COL11A2: variants seen among roughly 807,000 people sequenced by gnomAD.
The protein encoded by COL11A2 is collagen alpha-2(XI) chain.
COL11A2 carries 116 observed loss-of-function variants against 273.4 expected under a neutral mutation model. That is an observed-to-expected ratio of 0.42 (90% CI 0.36 to 0.49). The LOEUF (loss-of-function observed/expected upper bound fraction) is 0.49, where lower values mean the gene tolerates loss of function less well. Among genes scored for constraint, COL11A2 ranks in the 20% least tolerant of loss-of-function variants. The probability of loss-of-function intolerance (pLI) is 0.00; values close to 1 mark genes in which losing one functional copy is unlikely to be tolerated. For missense variants in COL11A2, 1,866 were observed against 2,309.0 expected (o/e 0.81, Z 3.93); for synonymous variants, 782 against 864.2 (o/e 0.90, Z 1.67).
rs1768589189 is a variant in COL11A2 at position 33,163,215 on chromosome 6, G to A, written c.*463C>T. The A allele has an allele frequency of 1.0e-5, 2 of 201,000 alleles. No individual in the cohort carries two copies. The highest frequency in any genetic ancestry group is 5.3e-5 in the Admixed American group (1 of 18,844). The allele number at this position is 201,000 out of a possible 1,614,324, so 12.5% of individuals were successfully genotyped here. A position where few individuals can be genotyped will look rare whatever the true frequency, so the allele number is the denominator to read the frequency against. Reference sequence around the variant, plus strand: ...AAACCCCCCTACACACAGTCACTGAGGAAAGTCCTGACTCCAGGATGTGGG... The same window carrying A: ...AAACCCCCCTACACACAGTCACTGAAGAAAGTCCTGACTCCAGGATGTGGG... On this transcript the variant is annotated 3_prime_UTR_variant, in exon 66 of 66. Coordinates refer to ENST00000341947, the MANE Select transcript of COL11A2 (RefSeq NM_080680.3). The surrounding 1 kb of genome is among the most constrained non-coding windows in gnomAD (Gnocchi z 4.1).
In COL11A2 at chr6:33,190,255, A is replaced by C. The variant is rs1772957700; in HGVS notation, c.83-786T>G. 6.6e-6 allele frequency among the ~76,000 whole-genome samples: 1 copy of C among 152,106 alleles called. No individual in the cohort carries two copies. The highest frequency in any genetic ancestry group is 1.5e-5 in the Non-Finnish European group (1 of 67,994). ...TGCCACGAGGAGCCGGAACAGGTCCAGGGCCCTGAGCCACACATCTGTGGA... is the reference window on the plus strand; with the variant it reads ...TGCCACGAGGAGCCGGAACAGGTCCCGGGCCCTGAGCCACACATCTGTGGA... On this transcript the variant is annotated intron_variant, in intron 1 of 65. Transcript: ENST00000341947. The surrounding 1 kb of genome is among the most constrained non-coding windows in gnomAD (Gnocchi z 4.5).
In COL11A2 at chr6:33,180,127, C is replaced by G. The variant is rs948595770; in HGVS notation, c.1359+131G>C. Reference sequence around the variant, plus strand: ...TCTCCCCAACCCCAAAGACGAATCCCTTTGGAGTGATGATCTTTGATGATC... The same window carrying G: ...TCTCCCCAACCCCAAAGACGAATCCGTTTGGAGTGATGATCTTTGATGATC... On this transcript the variant is annotated intron_variant, in intron 12 of 65. Coordinates refer to ENST00000341947, the MANE Select transcript of COL11A2 (RefSeq NM_080680.3). 12 of 1,035,972 alleles carry G rather than the reference C, an allele frequency of 1.2e-5. No homozygotes were observed. In the African/African-American group the frequency reaches 1.6e-4, roughly 14 times the overall value. 64.2% of individuals were successfully genotyped at this position (1,035,972 alleles called of 1,614,324 possible). A position where few individuals can be genotyped will look rare whatever the true frequency, so the allele number is the denominator to read the frequency against.
chr6:33,166,640 G>A lies in COL11A2; in HGVS notation c.4339-74C>T. 6.2e-7 allele frequency: 1 copy of A among 1,610,848 alleles called. No individual in the cohort carries two copies. The highest frequency in any genetic ancestry group is 8.5e-7 in the Non-Finnish European group (1 of 1,177,626). On this transcript the variant is annotated intron_variant, in intron 59 of 65. Coordinates refer to ENST00000341947, the MANE Select transcript of COL11A2 (RefSeq NM_080680.3). The surrounding 1 kb of genome is among the most constrained non-coding windows in gnomAD (Gnocchi z 4.8). ...CTGAGCACCTGCTCGCTTACCCACA[G>A]CTGAGTCCCAACTCCAACTCCACCC...
intron 40 of COL11A2, 26 bp downstream of exon 40, chr6:33,172,263 G>C: frequency 6.3e-7 from 1 of 1,584,066 alleles, no homozygotes; most frequent in Non-Finnish European, 8.6e-7. Context: ...GCTTGTGACA[G>C]GCAGGGGTCT....
Position 33,178,770 on chromosome 6 carries a change from C to T in COL11A2, c.1666-38G>A. 1 of 1,612,018 alleles carries T rather than the reference C, an allele frequency of 6.2e-7. No homozygotes were observed. Among genetic ancestry groups the T allele is most frequent in the Non-Finnish European group, 8.5e-7 (1 of 1,179,212 alleles). On this transcript the variant is annotated intron_variant, in intron 17 of 65. Transcript: ENST00000341947. The surrounding 1 kb of genome is among the most constrained non-coding windows in gnomAD (Gnocchi z 4.6). Reference sequence around the variant, plus strand: ...AGGATAGCCAGAGTGAGGACACGACCCTGTCCAAGCCCACCCCTCCCTACT... The same window carrying T: ...AGGATAGCCAGAGTGAGGACACGACTCTGTCCAAGCCCACCCCTCCCTACT...
In COL11A2 at chr6:33,178,482, T is replaced by C. The variant is rs779116250; in HGVS notation, c.1726A>G (p.Thr576Ala). 6.1e-5 allele frequency: 98 copies of C among 1,612,658 alleles called. No individual in the cohort carries two copies. Among genetic ancestry groups the C allele is most frequent in the Non-Finnish European group, 8.0e-5 (94 of 1,179,934 alleles). ...LPGEKGHRGD[T>A]GAQGLPGPPG... ...GGACCAGGAAGGCCCTGGGCACCAG[T>C]ATCACCCTGCAAAATGGGGGAACTC... is the stretch of plus-strand genomic sequence containing the variant. Residue 576 changes from threonine to alanine, a missense_variant, in exon 19 of 66, where the codon ACT (threonine) becomes GCT (alanine). Thr to Ala is a moderately conservative substitution (Grantham distance 58, BLOSUM62 0). Transcript: ENST00000341947. This position sits in a 1 kb window ranked among gnomAD's most constrained non-coding sequence, Gnocchi z 4.6.
intron 10 of COL11A2, 108 bp downstream of exon 10, chr6:33,180,856 C>T (rs1771638431): frequency 6.4e-7 from 1 of 1,551,814 alleles, no homozygotes; most frequent in Non-Finnish European, 8.9e-7. Flanking sequence ...TGGAGGGATG[C>T]TCCCGAGTTC....
chr6:33,171,194 A>T (rs1216032928), intron 44 of COL11A2, 27 bp from the exon 45 acceptor site: 1 of 1,612,818 alleles, frequency 6.2e-7, no homozygotes, highest in African/African-American at 1.3e-5. Flanking sequence ...AGTCAGAGAC[A>T]CCAAAACAGG....
Position 33,164,159 on chromosome 6 carries a change from CG to C in COL11A2, c.5070+107del. 7.8e-7 allele frequency: 1 copy of C among 1,282,844 alleles called. No individual in the cohort carries two copies. The highest frequency in any genetic ancestry group is 1.1e-6 in the Non-Finnish European group (1 of 923,608). 79.5% of individuals were successfully genotyped at this position (1,282,844 alleles called of 1,614,324 possible). A position where few individuals can be genotyped will look rare whatever the true frequency, so the allele number is the denominator to read the frequency against. ...AGGCATCCCTGACAATCCAGCAGGA[CG>C]GACTCCTCCCTGCTCCCCCTGGGTG... On this transcript the variant is annotated intron_variant, in intron 65 of 65. Transcript: ENST00000341947. This position sits in a 1 kb window ranked among gnomAD's most constrained non-coding sequence, Gnocchi z 4.7.
Position 33,174,166 on chromosome 6 carries a change from C to T in COL11A2, c.2483G>A (p.Arg828Gln), listed in dbSNP as rs765292733. 2.5e-6 allele frequency: 4 copies of T among 1,587,518 alleles called. No individual in the cohort carries two copies. Among genetic ancestry groups the T allele is most frequent in the Admixed American group, 3.5e-5 (2 of 57,366 alleles). Residue 828 changes from arginine to glutamine, a missense_variant and splice_region_variant, in exon 32 of 66, where the codon CGG (arginine) becomes CAG (glutamine). Arg to Gln is a conservative substitution (Grantham distance 43). Coordinates refer to ENST00000341947, the MANE Select transcript of COL11A2 (RefSeq NM_080680.3). ...FPGASGEKGA[R>Q]GLSGKSGPRG... ...ACGCCCTCCCACCCCCCAGCTTACC[C>T]GGGCTCCCTTCTCTCCACTGGCACC... is the stretch of plus-strand genomic sequence containing the variant.
chr6:33,183,596 G>C (rs1771990532), intron 8 of COL11A2, among the ~76,000 whole-genome samples: 1 of 152,152 alleles, frequency 6.6e-6, no homozygotes, highest in South Asian at 2.1e-4. Flanking sequence ...TGAAAAACTA[G>C]AGCCAGAACA....
rs913923664 is a variant in COL11A2, at chr6:33,166,037, A to T, written c.4429-53T>A. 14 of 1,612,122 alleles carry T rather than the reference A, an allele frequency of 8.7e-6. No homozygotes were observed. In the African/African-American group the frequency reaches 1.9e-4, roughly 22 times the overall value. On this transcript the variant is annotated intron_variant, in intron 61 of 65. Coordinates refer to ENST00000341947, the MANE Select transcript of COL11A2 (RefSeq NM_080680.3). The surrounding 1 kb of genome is among the most constrained non-coding windows in gnomAD (Gnocchi z 4.8). Reference sequence around the variant, plus strand: ...GGGGTCAAGAGGTCAAGCATGGATCAAGGTCACAGAAAGATCAAATCAGCC... The same window carrying T: ...GGGGTCAAGAGGTCAAGCATGGATCTAGGTCACAGAAAGATCAAATCAGCC...
rs771885001 is a variant in COL11A2, at chr6:33,170,543, G to A, written c.3528+14C>T. 6.8e-6 allele frequency: 11 copies of A among 1,611,820 alleles called. No individual in the cohort carries two copies. The highest frequency in any genetic ancestry group is 9.3e-6 in the Non-Finnish European group (11 of 1,179,566). On this transcript the variant is annotated intron_variant, in intron 47 of 65. Transcript: ENST00000341947. The surrounding 1 kb of genome is among the most constrained non-coding windows in gnomAD (Gnocchi z 4.3). ...ACTAGTATGGTGGCTAGGGTCAGTA[G>A]GGGTCACACTCACCATAGGACCCAC... is the stretch of plus-strand genomic sequence containing the variant.
At position 33,165,607 on chromosome 6, in the gene COL11A2, C is replaced by T. The variant is rs2150516614; in HGVS notation, c.4692G>A (p.Gln1564=). ...IEQMRRPTGT[Q]DSPARTCQDL... is the part of the protein sequence containing the mutation. ...CCTGGCAGGTGCGAGCAGGGCTGTC[C>T]TGGGTCCCTGTTGGCCGCCTCATCT... Residue 1564 remains glutamine (Q), a synonymous_variant, in exon 63 of 66, where the codon CAG becomes CAA. Coordinates refer to ENST00000341947, the MANE Select transcript of COL11A2 (RefSeq NM_080680.3). This position sits in a 1 kb window ranked among gnomAD's most constrained non-coding sequence, Gnocchi z 7.7. 2 of 1,613,444 alleles carry T rather than the reference C, an allele frequency of 1.2e-6. No homozygotes were observed. The highest frequency in any genetic ancestry group is 1.7e-6 in the Non-Finnish European group (2 of 1,179,988).
intron 11 of COL11A2, 31 bp from the exon 12 acceptor site, chr6:33,180,363 G>T: frequency 6.3e-7 from 1 of 1,576,928 alleles, no homozygotes; most frequent in Non-Finnish European, 8.7e-7. Context: ...AAAAGATGGG[G>T]TGAAAGATAA....
chr6:33,163,199 T>G lies in COL11A2; in HGVS notation c.*479A>C, dbSNP rs1411718267. The G allele has an allele frequency of 1.0e-5, 2 of 197,968 alleles. No homozygotes were observed. Among genetic ancestry groups the G allele is most frequent in the Non-Finnish European group, 2.1e-5 (2 of 95,408 alleles). The allele number at this position is 197,968 out of a possible 1,614,324, so 12.3% of individuals were successfully genotyped here. A position where few individuals can be genotyped will look rare whatever the true frequency, so the allele number is the denominator to read the frequency against. On this transcript the variant is annotated 3_prime_UTR_variant, in exon 66 of 66. Transcript: ENST00000341947. The surrounding 1 kb of genome is among the most constrained non-coding windows in gnomAD (Gnocchi z 4.1). The stretch of plus-strand genomic sequence containing the variant: ...GTGGGGTTCAGCCCTGAAACCCCCC[T>G]ACACACAGTCACTGAGGAAAGTCCT...
In COL11A2 at chr6:33,178,504, A is replaced by AC. The variant is rs1242435359; in HGVS notation, c.1720-17dup. 2 of 1,612,692 alleles carry AC rather than the reference A, an allele frequency of 1.2e-6. No individual in the cohort carries two copies. Among genetic ancestry groups the AC allele is most frequent in the Non-Finnish European group, 1.7e-6 (2 of 1,179,912 alleles). On this transcript the variant is annotated splice_polypyrimidine_tract_variant and intron_variant, in intron 18 of 65. Transcript: ENST00000341947. This position sits in a 1 kb window ranked among gnomAD's most constrained non-coding sequence, Gnocchi z 4.6. ...CAGTATCACCCTGCAAAATGGGGGA[A>AC]CTCATAAGAGGGGCTTCAGAGCCCC...
intron 41 of COL11A2, 21 bp from the exon 42 acceptor site, chr6:33,171,841 A>AC: frequency 6.2e-7 from 1 of 1,611,390 alleles, no homozygotes; most frequent in South Asian, 1.1e-5. Flanking sequence ...AGATGGTCAG[A>AC]CCCCCAGGAA....
In COL11A2 at chr6:33,169,693, A is replaced by G; in HGVS notation, c.3690+138T>C. 8.4e-7 allele frequency: 1 copy of G among 1,188,542 alleles called. No individual in the cohort carries two copies. Among genetic ancestry groups the G allele is most frequent in the Non-Finnish European group, 1.3e-6 (1 of 795,408 alleles). The allele number at this position is 1,188,542 out of a possible 1,614,324, so 73.6% of individuals were successfully genotyped here. The stretch of plus-strand genomic sequence containing the variant: ...GAAGGGCTCACTCAGACCAGGGATC[A>G]GGCCTCATAGAGGATGGCAGGGAGC... On this transcript the variant is annotated intron_variant, in intron 50 of 65. Transcript: ENST00000341947. This position sits in a 1 kb window ranked among gnomAD's most constrained non-coding sequence, Gnocchi z 5.5.
Sources: gnomAD v4.1 joint callset for allele counts (sites outside exome capture counted in the v4.1 genomes callset) on GRCh38, gnomAD v4.1.1 for gene constraint, Gnocchi (gnomAD v3.1) non-coding constraint, MANE v1.5 for transcripts, NCBI Gene and HGNC (gene_info 2026-07-23, HGNC 2026-07-21) for gene names.